HS3ST3B1: variants seen among roughly 807,000 people sequenced by gnomAD.
HS3ST3B1 encodes heparan sulfate-glucosamine 3-sulfotransferase 3B1.
A neutral mutation model predicts 21.3 loss-of-function variants in HS3ST3B1; 13 were observed. That is an observed-to-expected ratio of 0.61 (90% CI 0.40 to 0.97). The LOEUF is 0.97. HS3ST3B1 is among the 50% of genes least tolerant of loss of function. The pLI is 0.00. For missense variants in HS3ST3B1, 459 were observed against 554.8 expected (o/e 0.83, Z 1.73); for synonymous variants, 234 against 254.8 (o/e 0.92, Z 0.78).
chr17:14,316,572 G>C (rs964445293), intron 1 of HS3ST3B1, among the ~76,000 whole-genome samples: 1 of 152,128 alleles, frequency 6.6e-6, no homozygotes, highest in African/African-American at 2.4e-5. Flanking sequence ...GGCGCTTGTG[G>C]TCTGAGTATG....
At chr17:14,343,237 G>A (rs1300967479) in intron 1 of HS3ST3B1, among the ~76,000 whole-genome samples, 1 of 145,874 alleles carries the variant, frequency 6.9e-6, no homozygotes, top group Non-Finnish European at 1.5e-5. Flanking sequence ...GCGAGACTCT[G>A]TCTCAAAAAA....
chr17:14,331,667 T>A (rs182805619), intron 1 of HS3ST3B1, among the ~76,000 whole-genome samples: 12 of 152,270 alleles, frequency 7.9e-5, no homozygotes, highest in Admixed American at 5.9e-4. Flanking sequence ...TAATGAATAA[T>A]GACATCACTT....
rs115149789 is a variant in HS3ST3B1 at position 14,334,089 on chromosome 17, T to C, written c.555-10939T>C. On this transcript the variant is annotated intron_variant, in intron 1 of 1. Transcript: ENST00000360954. ...GCTGAGAACCTTTAAATATCGATGG[T>C]GATCAGCTATGGAGGATGGGGTATT... Among the ~76,000 whole-genome samples the C allele has an allele frequency of 6.0e-3, 919 of 152,164 alleles. 8 individuals are homozygous for C. Among genetic ancestry groups the C allele is most frequent in the African/African-American group, 0.021 (870 of 41,458 alleles).
At chr17:14,313,678 C>G (rs909518148) in intron 1 of HS3ST3B1, among the ~76,000 whole-genome samples, 1 of 152,014 alleles carries the variant, frequency 6.6e-6, no homozygotes, top group Admixed American at 6.5e-5. Context: ...TCAAGTGATT[C>G]TCCTGCCTCA....
intron 1 of HS3ST3B1, among the ~76,000 whole-genome samples, chr17:14,318,574 G>A (rs1230134143): frequency 6.6e-6 from 1 of 152,184 alleles, no homozygotes; most frequent in Non-Finnish European, 1.5e-5. Flanking sequence ...TGCAGTTATT[G>A]ATAAGGTCTA....
intron 1 of HS3ST3B1, among the ~76,000 whole-genome samples, chr17:14,330,485 C>T (rs1043864010): frequency 3.3e-5 from 5 of 151,920 alleles, no homozygotes; most frequent in South Asian, 2.1e-4. Flanking sequence ...GCCCAGTGCC[C>T]ACTCTGCTTT....
chr17:14,334,268 G>GT (rs11384759), intron 1 of HS3ST3B1, among the ~76,000 whole-genome samples: 44,630 of 146,840 alleles, frequency 0.3, 6,916 homozygotes, highest in Middle Eastern at 0.35. Flanking sequence ...TTTTTTCATG[G>GT]TTTTTTTTTT....
At chr17:14,329,031 G>T (rs181712435) in intron 1 of HS3ST3B1, 2 of 152,046 alleles carry the variant, frequency 1.3e-5, no homozygotes, top group Non-Finnish European at 2.9e-5. Flanking sequence ...GTGGATTGCC[G>T]TGAAGTAGGG....
chr17:14,328,462 A>T (rs757377343), intron 1 of HS3ST3B1: 6 of 152,188 alleles, frequency 3.9e-5, no homozygotes, highest in Non-Finnish European at 8.8e-5. Context: ...CCACAAAAAG[A>T]ATTCCCCTAG....
At chr17:14,313,860 G>A (rs554169398) in intron 1 of HS3ST3B1, among the ~76,000 whole-genome samples, 27 of 150,364 alleles carry the variant, frequency 1.8e-4, no homozygotes, top group Non-Finnish European at 3.1e-4. Flanking sequence ...GTGAGCCACC[G>A]CACCTGGCCC....
At chr17:14,314,887 C>A (rs1050416696) in intron 1 of HS3ST3B1, among the ~76,000 whole-genome samples, 1 of 152,202 alleles carries the variant, frequency 6.6e-6, no homozygotes, top group Non-Finnish European at 1.5e-5. Flanking sequence ...TCCAGTTCAT[C>A]ACGGGCATTC....
At chr17:14,305,088 G>C (rs1257545141) in intron 1 of HS3ST3B1, 1 of 152,276 alleles carries the variant, frequency 6.6e-6, no homozygotes, top group Admixed American at 6.5e-5. Flanking sequence ...CACCGAGGTG[G>C]TGTACAGAGC....
At chr17:14,331,660 T>C (rs1042076259) in intron 1 of HS3ST3B1, among the ~76,000 whole-genome samples, 1 of 152,186 alleles carries the variant, frequency 6.6e-6, no homozygotes, top group South Asian at 2.1e-4. Flanking sequence ...AAACTTTTAA[T>C]GAATAATGAC....
chr17:14,332,829 CTTTTTT>C (rs71147859), intron 1 of HS3ST3B1, among the ~76,000 whole-genome samples: 57 of 91,056 alleles, frequency 6.3e-4, no homozygotes, highest in African/African-American at 2.0e-3. Flanking sequence ...GACCTTTTAT[CTTTTTT>C]TTTTTTTTTT....
intron 1 of HS3ST3B1, among the ~76,000 whole-genome samples, chr17:14,331,395 T>A (rs1487207041): frequency 6.6e-6 from 1 of 151,926 alleles, no homozygotes; most frequent in African/African-American, 2.4e-5. Context: ...GGATCTTGAG[T>A]TGACCCAGAG....
At chr17:14,309,010 G>A (rs1356749175) in intron 1 of HS3ST3B1, among the ~76,000 whole-genome samples, 1 of 152,220 alleles carries the variant, frequency 6.6e-6, no homozygotes, top group Non-Finnish European at 1.5e-5. Flanking sequence ...TTAATGAATG[G>A]AGCTGGGGGG....
intron 1 of HS3ST3B1, among the ~76,000 whole-genome samples, chr17:14,319,183 G>A (rs1468980119): frequency 6.6e-6 from 1 of 152,224 alleles, no homozygotes; most frequent in Non-Finnish European, 1.5e-5. Flanking sequence ...TATAGTGGTG[G>A]ACTTAGATTC....
At position 14,349,331 on chromosome 17, in the gene HS3ST3B1, A is replaced by C. The variant is rs921043208; in HGVS notation, c.*3685A>C. Reference sequence around the variant, plus strand: ...ACAAATTAATTTTACACAGAGAAAGATGTTTCTAGGCAAGTGAAATTCTGG... The same window carrying C: ...ACAAATTAATTTTACACAGAGAAAGCTGTTTCTAGGCAAGTGAAATTCTGG... On this transcript the variant is annotated 3_prime_UTR_variant, in exon 2 of 2. Coordinates refer to ENST00000360954, the MANE Select transcript of HS3ST3B1 (RefSeq NM_006041.3). 6.6e-6 allele frequency: 1 copy of C among 152,262 alleles called. No individual in the cohort carries two copies. 9.4% of individuals were successfully genotyped at this position (152,262 alleles called of 1,614,324 possible). A position where few individuals can be genotyped will look rare whatever the true frequency, so the allele number is the denominator to read the frequency against.
At chr17:14,318,131 G>C (rs1019734029) in intron 1 of HS3ST3B1, among the ~76,000 whole-genome samples, 1 of 152,024 alleles carries the variant, frequency 6.6e-6, no homozygotes, top group African/African-American at 2.4e-5. Flanking sequence ...AAGCACCTTC[G>C]TTCTGTGGTT....
Sources: gnomAD v4.1 joint callset for allele counts (sites outside exome capture counted in the v4.1 genomes callset) on GRCh38, gnomAD v4.1.1 for gene constraint, MANE v1.5 for transcripts, NCBI Gene and HGNC (gene_info 2026-07-23, HGNC 2026-07-21) for gene names.